The following PDE4B variants were observed in gnomAD, a reference collection of about 807,000 sequenced individuals.
The protein encoded by PDE4B is 3',5'-cyclic-AMP phosphodiesterase 4B.
Under a neutral mutation model 82.2 loss-of-function variants are expected in PDE4B, and 20 were observed. The observed-to-expected ratio is 0.24, with a 90% CI of 0.17 to 0.35. The LOEUF (loss-of-function observed/expected upper bound fraction) is 0.35. Among genes scored for constraint, PDE4B ranks in the 10% least tolerant of loss-of-function variants. The pLI, the probability that PDE4B is intolerant of heterozygous loss-of-function variation, is 1.00. For missense variants in PDE4B, 655 were observed against 907.2 expected, an observed-to-expected ratio of 0.72 and a Z score of 3.57; for synonymous variants, 320 against 318.9, an observed-to-expected ratio of 1.00 and a Z score of -0.04.
At chr1:66,338,686 C>T (rs559490212) in intron 8 of PDE4B, among the ~76,000 whole-genome samples, 1 of 152,288 alleles carries the variant, frequency 6.6e-6, no homozygotes, top group Admixed American at 6.5e-5. Flanking sequence ...CCCAAATTCC[C>T]TTTTTCCCTG....
Position 66,372,542 on chromosome 1 carries a change from C to G in PDE4B, c.2075C>G (p.Pro692Arg). ...LTLDEEDSEGPEKEGEGHSYF... is the reference protein window; with the variant it reads ...LTLDEEDSEGREKEGEGHSYF... ...CTCGATGAGGAAGATTCTGAAGGAC[C>G]TGAGAAGGAGGGAGAGGGACACAGC... The change falls in exon 17 of 17, where the codon CCT becomes CGT. Residue 692 changes from proline to arginine, a missense_variant. By Grantham distance (103) the Pro-to-Arg change is moderately radical. Coordinates refer to ENST00000341517, the MANE Select transcript of PDE4B (RefSeq NM_002600.4). 6.2e-7 allele frequency: 1 copy of G among 1,614,106 alleles called. No individual in the cohort carries two copies. The highest frequency in any genetic ancestry group is 8.5e-7 in the Non-Finnish European group (1 of 1,180,008).
intron 1 of PDE4B, among the ~76,000 whole-genome samples, chr1:65,854,062 A>G (rs1205311752): frequency 6.7e-6 from 1 of 148,968 alleles, no homozygotes; most frequent in African/African-American, 2.4e-5. Context: ...ATGATCTAAG[A>G]AAGTTGGCAA....
At chr1:66,363,079 C>A in intron 10 of PDE4B, 89 bp from the exon 11 acceptor site, 1 of 840,114 alleles carries the variant, frequency 1.2e-6, no homozygotes, top group Non-Finnish European at 1.9e-6. Flanking sequence ...AAGACTTAAA[C>A]AGCCAATGTC....
chr1:66,102,617 T>C (rs1435169177), intron 3 of PDE4B, among the ~76,000 whole-genome samples: 1 of 152,074 alleles, frequency 6.6e-6, no homozygotes, highest in Non-Finnish European at 1.5e-5. Context: ...ACAAAATATA[T>C]CTCTTTTTCT....
At chr1:65,984,418 A>C (rs886610549) in intron 3 of PDE4B, among the ~76,000 whole-genome samples, 1 of 152,200 alleles carries the variant, frequency 6.6e-6, no homozygotes, top group African/African-American at 2.4e-5. Context: ...AATTGCAAGA[A>C]TATCTATGTG....
At chr1:66,118,875 G>A (rs1034043807) in intron 3 of PDE4B, among the ~76,000 whole-genome samples, 1 of 151,254 alleles carries the variant, frequency 6.6e-6, no homozygotes, top group African/African-American at 2.4e-5. Flanking sequence ...TTGTTTCTTG[G>A]TGAATTCCTA....
At chr1:66,231,104 T>A (rs1651915745) in intron 3 of PDE4B, among the ~76,000 whole-genome samples, 1 of 152,244 alleles carries the variant, frequency 6.6e-6, no homozygotes, top group South Asian at 2.1e-4. Flanking sequence ...TATGGCTTCC[T>A]TGTCTAGAGT....
intron 1 of PDE4B, among the ~76,000 whole-genome samples, chr1:65,885,835 A>G (rs1232656663): frequency 6.7e-6 from 1 of 149,872 alleles, no homozygotes; most frequent in African/African-American, 2.5e-5. Flanking sequence ...TGTTGTGCAC[A>G]TGTACCCTAA....
At chr1:65,968,020 A>C (rs537024038) in intron 3 of PDE4B, among the ~76,000 whole-genome samples, 1 of 152,064 alleles carries the variant, frequency 6.6e-6, no homozygotes, top group Non-Finnish European at 1.5e-5. Context: ...AGTATAATTT[A>C]AAAAAAGAAA....
intron 1 of PDE4B, among the ~76,000 whole-genome samples, chr1:65,820,292 A>G (rs781615506): frequency 6.6e-6 from 1 of 152,248 alleles, no homozygotes; most frequent in Non-Finnish European, 1.5e-5. Context: ...TCTCTGAATA[A>G]CCACATTAAT....
chr1:65,886,844 C>A (rs1398276151), intron 1 of PDE4B, among the ~76,000 whole-genome samples: 1 of 152,154 alleles, frequency 6.6e-6, no homozygotes, highest in Non-Finnish European at 1.5e-5. Flanking sequence ...CATGTAAGTG[C>A]AGCATCCCTT....
chr1:66,064,175 A>C (rs1046893157), intron 3 of PDE4B, among the ~76,000 whole-genome samples: 4 of 151,970 alleles, frequency 2.6e-5, no homozygotes, highest in Admixed American at 6.6e-5. Flanking sequence ...ATCAGCAAAA[A>C]TAGAATTTGC....
At chr1:66,100,824 AT>A (rs1645206458) in intron 3 of PDE4B, among the ~76,000 whole-genome samples, 1 of 151,922 alleles carries the variant, frequency 6.6e-6, no homozygotes, top group Admixed American at 6.6e-5. Flanking sequence ...GAACCCAGTA[AT>A]TTTTTTATTT....
At chr1:66,036,171 A>T (rs1485004981) in intron 3 of PDE4B, among the ~76,000 whole-genome samples, 1 of 151,720 alleles carries the variant, frequency 6.6e-6, no homozygotes, top group Admixed American at 6.6e-5. Flanking sequence ...TTTTAAAGTT[A>T]TTTTTTTCCT....
intron 3 of PDE4B, among the ~76,000 whole-genome samples, chr1:65,951,297 A>G (rs1294993827): frequency 1.3e-5 from 2 of 152,136 alleles, no homozygotes; most frequent in African/African-American, 4.8e-5. Flanking sequence ...GTGCCAGTGA[A>G]AATTTCTTTA....
At chr1:65,955,471 T>C (rs778447672) in intron 3 of PDE4B, among the ~76,000 whole-genome samples, 3 of 152,064 alleles carry the variant, frequency 2.0e-5, no homozygotes, top group Non-Finnish European at 4.4e-5. Context: ...GTAATAGAAC[T>C]CACCGCAACA....
intron 1 of PDE4B, among the ~76,000 whole-genome samples, chr1:65,902,797 T>A (rs12725660): frequency 0.16 from 24,679 of 152,204 alleles, 2,313 homozygotes; most frequent in Middle Eastern, 0.3. Flanking sequence ...TTTTGGTGGG[T>A]GCAGAAGTAT....
intron 1 of PDE4B, among the ~76,000 whole-genome samples, chr1:65,816,228 TGAGA>T (rs1553186994): frequency 1.6e-4 from 11 of 68,336 alleles, no homozygotes; most frequent in African/African-American, 4.9e-4. Context: ...TGTGTGTGTA[TGAGA>T]GAGAGAGAGA....
intron 8 of PDE4B, among the ~76,000 whole-genome samples, chr1:66,336,569 G>A (rs927995871): frequency 6.6e-6 from 1 of 152,200 alleles, no homozygotes; most frequent in Admixed American, 6.5e-5. Flanking sequence ...CTCTGGGGCT[G>A]TTTTATATGC....
Sources: gnomAD v4.1 joint callset for allele counts (sites outside exome capture counted in the v4.1 genomes callset) on GRCh38, gnomAD v4.1.1 for gene constraint, MANE v1.5 for transcripts, NCBI Gene and HGNC (gene_info 2026-07-23, HGNC 2026-07-21) for gene names.